Variants in PLXDC2 observed in about 807,000 individuals in gnomAD.
The protein encoded by PLXDC2 is plexin domain containing 2.
In PLXDC2, 40 loss-of-function variants were observed where a neutral mutation model predicts 68.9. That is an observed-to-expected ratio of 0.58 (90% CI 0.45 to 0.76). The LOEUF (loss-of-function observed/expected upper bound fraction) is 0.76. PLXDC2 is among the 30% of genes least tolerant of loss of function. The pLI is 0.00. For synonymous variants in PLXDC2, 243 were observed against 234.2 expected (o/e 1.04, Z -0.34); for missense variants, 644 against 661.9 (o/e 0.97, Z 0.30).
At chr10:20,167,339 T>A (rs951118122) in intron 7 of PLXDC2, among the ~76,000 whole-genome samples, 8 of 152,146 alleles carry the variant, frequency 5.3e-5, no homozygotes, top group African/African-American at 1.4e-4. Context: ...TGCATCTTTA[T>A]GCCAGAGATT....
At chr10:20,170,780 T>G (rs1834437335) in intron 7 of PLXDC2, among the ~76,000 whole-genome samples, 1 of 152,016 alleles carries the variant, frequency 6.6e-6, no homozygotes, top group Admixed American at 6.6e-5. Context: ...TAACTTCATC[T>G]TAAATAGCCA....
rs1836156450 is a variant in PLXDC2 at position 20,286,656 on chromosome 10, A to G, written c.*6837A>G. On this transcript the variant is annotated 3_prime_UTR_variant, in exon 14 of 14. Coordinates refer to ENST00000377252, the MANE Select transcript of PLXDC2 (RefSeq NM_032812.9). Reference sequence around the variant, plus strand: ...AGGGGAAAGTATAAACCTAAGAGTGAGTGAATGGAGATGATTCATGGAAAA... The same window carrying G: ...AGGGGAAAGTATAAACCTAAGAGTGGGTGAATGGAGATGATTCATGGAAAA... 6.6e-6 allele frequency: 1 copy of G among 152,158 alleles called. No individual in the cohort carries two copies. The highest frequency in any genetic ancestry group is 1.5e-5 in the Non-Finnish European group (1 of 68,032). The allele number at this position is 152,158 out of a possible 1,614,324, so 9.4% of individuals were successfully genotyped here. A position where few individuals can be genotyped will look rare whatever the true frequency, so the allele number is the denominator to read the frequency against.
chr10:19,877,337 T>G (rs1170868145), intron 1 of PLXDC2, among the ~76,000 whole-genome samples: 1 of 152,164 alleles, frequency 6.6e-6, no homozygotes, highest in Non-Finnish European at 1.5e-5. Flanking sequence ...TTCTATTAGT[T>G]TGTATTCAAA....
At chr10:19,871,376 G>T (rs544144482) in intron 1 of PLXDC2, among the ~76,000 whole-genome samples, 1 of 152,296 alleles carries the variant, frequency 6.6e-6, no homozygotes, top group Non-Finnish European at 1.5e-5. Context: ...AAACATAGAA[G>T]ACAGACCATA....
chr10:19,989,030 C>A (rs1834700450), intron 1 of PLXDC2, among the ~76,000 whole-genome samples: 1 of 151,828 alleles, frequency 6.6e-6, no homozygotes, highest in Non-Finnish European at 1.5e-5. Context: ...AAACTCCTGA[C>A]CTCAGGTGAT....
intron 4 of PLXDC2, among the ~76,000 whole-genome samples, chr10:20,119,770 A>G (rs1028464083): frequency 1.3e-5 from 2 of 151,926 alleles, no homozygotes; most frequent in African/African-American, 4.8e-5. Context: ...AGAGATTAAG[A>G]TGAAGGAAGA....
intron 2 of PLXDC2, among the ~76,000 whole-genome samples, chr10:20,030,112 A>T (rs1835474721): frequency 6.6e-6 from 1 of 152,220 alleles, no homozygotes; most frequent in African/African-American, 2.4e-5. Flanking sequence ...ATGTCTCAAC[A>T]AAGTGAAAAT....
chr10:20,161,649 G>A (rs557228391), intron 6 of PLXDC2, among the ~76,000 whole-genome samples: 2 of 151,906 alleles, frequency 1.3e-5, no homozygotes, highest in Admixed American at 6.6e-5. Flanking sequence ...TAAAGGAAGG[G>A]GGTGAAAGGA....
chr10:19,829,622 G>A (rs1249363084), intron 1 of PLXDC2, among the ~76,000 whole-genome samples: 2 of 152,096 alleles, frequency 1.3e-5, no homozygotes, highest in South Asian at 2.1e-4. Flanking sequence ...CCAGCTACTC[G>A]GAGGCTGTGG....
intron 1 of PLXDC2, among the ~76,000 whole-genome samples, chr10:19,868,244 T>C (rs1373413485): frequency 1.3e-5 from 2 of 152,120 alleles, no homozygotes; most frequent in African/African-American, 2.4e-5. Context: ...ACCCGATAGG[T>C]AGTTTTTTTG....
chr10:19,824,435 A>G (rs1164392619), intron 1 of PLXDC2, among the ~76,000 whole-genome samples: 7 of 152,342 alleles, frequency 4.6e-5, no homozygotes, highest in East Asian at 1.9e-4. Context: ...TTGAATCGCC[A>G]TAATACATAA....
chr10:20,146,413 TTTTC>T lies in PLXDC2; in HGVS notation c.665-1355_665-1352del, dbSNP rs774873153. ...CTTTCTTCCTTGCTTCCTTGCTTCCTTTTCTTTCTTTCTTTCTTTTTCTTTCTTT... is the reference window on the plus strand; with the variant it reads ...CTTTCTTCCTTGCTTCCTTGCTTCCTTTTCTTTCTTTCTTTTTCTTTCTTT... On this transcript the variant is annotated intron_variant, in intron 5 of 13. Coordinates refer to ENST00000377252, the MANE Select transcript of PLXDC2 (RefSeq NM_032812.9). Among the ~76,000 whole-genome samples, 67 of 151,166 alleles carry T rather than the reference TTTTC, an allele frequency of 4.4e-4. No individual in the cohort carries two copies. The East Asian group carries it at 4.5e-3, about 10-fold the overall frequency.
At chr10:19,991,100 G>A (rs747747503) in intron 1 of PLXDC2, among the ~76,000 whole-genome samples, 8 of 152,044 alleles carry the variant, frequency 5.3e-5, no homozygotes, top group Non-Finnish European at 8.8e-5. Context: ...TACAAAATTA[G>A]TGGGGCGTGG....
chr10:20,029,146 A>G (rs1050012597), intron 2 of PLXDC2, among the ~76,000 whole-genome samples: 2 of 151,968 alleles, frequency 1.3e-5, no homozygotes, highest in South Asian at 4.2e-4. Context: ...TATGAACCTT[A>G]TTTTTCTTAC....
chr10:20,189,504 T>TATATATATATATATATATATAC (rs1554773611), intron 9 of PLXDC2, among the ~76,000 whole-genome samples: 11 of 121,590 alleles, frequency 9.0e-5, no homozygotes, highest in South Asian at 2.6e-4. Flanking sequence ...TATATATATA[T>TATATATATATATATATATATAC]ACACATACAC....
At chr10:19,899,576 A>G (rs1206437437) in intron 1 of PLXDC2, among the ~76,000 whole-genome samples, 1 of 152,180 alleles carries the variant, frequency 6.6e-6, no homozygotes, top group African/African-American at 2.4e-5. Flanking sequence ...AGTCACCACC[A>G]AGTATAAAAA....
At chr10:19,954,884 G>GC (rs902897168) in intron 1 of PLXDC2, among the ~76,000 whole-genome samples, 43 of 151,978 alleles carry the variant, frequency 2.8e-4, no homozygotes, top group Middle Eastern at 3.4e-3. Flanking sequence ...TGGCACTCTT[G>GC]CCCCCCCATC....
chr10:19,877,554 A>T lies in PLXDC2; in HGVS notation c.112+60363A>T, dbSNP rs189219259. Among the ~76,000 whole-genome samples, 267 of 152,350 alleles carry T rather than the reference A, an allele frequency of 1.8e-3. 2 individuals carry two copies. The highest frequency in any genetic ancestry group is 6.1e-3 in the African/African-American group (253 of 41,580). On this transcript the variant is annotated intron_variant, in intron 1 of 13. Transcript: ENST00000377252. Reference sequence around the variant, plus strand: ...AATCTCTCTTACTTTTACTTTAAAAAGTAAAAGATTGCTTCCTTTCCGTGT... The same window carrying T: ...AATCTCTCTTACTTTTACTTTAAAATGTAAAAGATTGCTTCCTTTCCGTGT...
At position 19,892,899 on chromosome 10, in the gene PLXDC2, C is replaced by T. The variant is rs887343317; in HGVS notation, c.112+75708C>T. Among the ~76,000 whole-genome samples the T allele has an allele frequency of 5.0e-4, 75 of 150,556 alleles. 1 individual carries two copies. Among genetic ancestry groups the T allele is most frequent in the African/African-American group, 1.8e-3 (72 of 41,002 alleles). ...CAGCAGGAGGAGCCTGGCTTTCTTA[C>T]TGTTGGCCTAGTTGAAATGGTCTTT... On this transcript the variant is annotated intron_variant, in intron 1 of 13. Coordinates refer to ENST00000377252, the MANE Select transcript of PLXDC2 (RefSeq NM_032812.9).
Sources: allele counts gnomAD v4.1 joint callset (sites outside exome capture counted in the v4.1 genomes callset), GRCh38; gene constraint gnomAD v4.1.1; transcripts MANE v1.5; gene names NCBI Gene and HGNC (gene_info 2026-07-23, HGNC 2026-07-21).